NLRP12: variants seen among roughly 807,000 people sequenced by gnomAD.
NLRP12 encodes NACHT, LRR and PYD domains-containing protein 12.
Under a neutral mutation model 91.2 loss-of-function variants are expected in NLRP12, and 108 were observed. That is an observed-to-expected ratio of 1.18 (90% CI 1.01 to 1.39). The LOEUF is 1.39. NLRP12 is among the 40% of genes most tolerant of loss of function. NLRP12 has a pLI of 0.00. For missense variants in NLRP12, 1,530 were observed against 1,352.7 expected (o/e 1.13, Z -2.06); for synonymous variants, 613 against 566.7 (o/e 1.08, Z -1.16).
Position 53,798,384 on chromosome 19 carries a change from G to A in NLRP12, c.2786C>T (p.Ala929Val). The change falls in exon 8 of 10, where the codon GCC becomes GTC. Residue 929 changes from alanine to valine, a missense_variant. Coordinates refer to ENST00000324134, the MANE Select transcript of NLRP12 (RefSeq NM_144687.4). ...GAGCACCACAGAAAGACCCTCACAG[G>A]CGGCAGAGCCCAGCCGGCAGATGCC... ...RLGICRLGSA[A>V]CEGLSVVLQA... is the part of the protein sequence containing the mutation. 1 of 1,614,114 alleles carries A rather than the reference G, an allele frequency of 6.2e-7. No homozygotes were observed. Among genetic ancestry groups the A allele is most frequent in the Non-Finnish European group, 8.5e-7 (1 of 1,180,030 alleles).
rs544448716 is a variant in NLRP12, at chr19:53,807,488, C to T, written c.2243+7G>A. 3.7e-6 allele frequency: 6 copies of T among 1,613,216 alleles called. No homozygotes were observed. In the Admixed American group the frequency reaches 6.7e-5, roughly 18 times the overall value. The stretch of plus-strand genomic sequence containing the variant: ...CACCTGAAACGCCCAGACCAGCCTG[C>T]ACTCACCTCAGGTTCTGAAGTTTGC... On this transcript the variant is annotated splice_region_variant and intron_variant, in intron 4 of 9. Transcript: ENST00000324134.
At chr19:53,795,476 G>A (rs10419024) in intron 9 of NLRP12, among the ~76,000 whole-genome samples, 80,895 of 150,760 alleles carry the variant, frequency 0.54, 22,004 homozygotes, top group South Asian at 0.62. Context: ...CCGGGTTCAC[G>A]CCATTCTCCT....
At chr19:53,823,741 A>AG in intron 1 of NLRP12, 145 bp downstream of exon 1, 1 of 910,384 alleles carries the variant, frequency 1.1e-6, no homozygotes, top group Non-Finnish European at 1.8e-6. Flanking sequence ...GTAGAGACAG[A>AG]GCCTCACTAT....
Position 53,804,037 on chromosome 19 carries a change from G to T in NLRP12, c.2500C>A (p.Leu834Met), listed in dbSNP as rs1212091388. The T allele has an allele frequency of 6.2e-7, 1 of 1,613,946 alleles. No individual in the cohort carries two copies. The highest frequency in any genetic ancestry group is 1.7e-5 in the Admixed American group (1 of 59,948). The change falls in exon 6 of 10, where the codon CTG becomes ATG. Residue 834 changes from leucine to methionine, a missense_variant. By Grantham distance (15) the Leu-to-Met change is conservative (BLOSUM62 2). Coordinates refer to ENST00000324134, the MANE Select transcript of NLRP12 (RefSeq NM_144687.4). ...GTNPHLVELDLTGNALEDLGL... is the reference protein window; with the variant it reads ...GTNPHLVELDMTGNALEDLGL... ...AAATCCTCCAGTGCATTTCCTGTCA[G>T]GTCCAACTCAACCAGATGTGGGTTG...
chr19:53,796,119 T>C (rs933842175), intron 8 of NLRP12, 90 bp from the exon 9 acceptor site: 2 of 1,277,972 alleles, frequency 1.6e-6, no homozygotes, highest in Non-Finnish European at 1.1e-6. Context: ...CAGGCTGGAG[T>C]ACAGTGGTGA....
At position 53,809,904 on chromosome 19, in the gene NLRP12, C is replaced by CG. The variant is rs1568677364; in HGVS notation, c.1754dup (p.His586AlafsTer118). 6.2e-7 allele frequency: 1 copy of CG among 1,614,032 alleles called. No individual in the cohort carries two copies. The highest frequency in any genetic ancestry group is 2.2e-5 in the East Asian group (1 of 44,854). On this transcript the variant is annotated frameshift_variant, in exon 3 of 10. Coordinates refer to ENST00000324134, the MANE Select transcript of NLRP12 (RefSeq NM_144687.4). LOFTEE classifies it high-confidence loss of function. ...ACTGCAACAGGTCCATCTTGATGTG[C>CG]GGCGAGACCTTCCAGCAGAGACTCT...
At chr19:53,806,355 A>G (rs1001429747) in intron 4 of NLRP12, among the ~76,000 whole-genome samples, 1 of 151,990 alleles carries the variant, frequency 6.6e-6, no homozygotes, top group Non-Finnish European at 1.5e-5. Flanking sequence ...TATGGGCAGC[A>G]TGGTGAAACC....
At chr19:53,802,224 T>A (rs965437231) in intron 6 of NLRP12, among the ~76,000 whole-genome samples, 4 of 151,520 alleles carry the variant, frequency 2.6e-5, no homozygotes, top group Non-Finnish European at 5.9e-5. Context: ...TGGAACTCCA[T>A]CTCAAATAAA....
chr19:53,807,756 C>G (rs1600701123), intron 3 of NLRP12, 91 bp from the exon 4 acceptor site: 1 of 1,471,020 alleles, frequency 6.8e-7, no homozygotes, highest in South Asian at 1.1e-5. Flanking sequence ...ATGAAGCATG[C>G]TATCCTTTTT....
At chr19:53,797,139 T>TA (rs60124953) in intron 8 of NLRP12, among the ~76,000 whole-genome samples, 1,605 of 149,800 alleles carry the variant, frequency 0.011, 30 homozygotes, top group African/African-American at 0.037. Context: ...GAATTATTAT[T>TA]TTTTTTTCTC....
At chr19:53,805,775 C>T (rs978508734) in intron 4 of NLRP12, 8 of 372,918 alleles carry the variant, frequency 2.1e-5, no homozygotes, top group Non-Finnish European at 3.1e-5. Context: ...ATCTGGGCCT[C>T]CCAAAGTGCT....
chr19:53,819,675 G>A (rs1320848175), intron 1 of NLRP12, among the ~76,000 whole-genome samples: 3 of 51,826 alleles, frequency 5.8e-5, no homozygotes, highest in Middle Eastern at 7.1e-3. Flanking sequence ...ATACATATAT[G>A]TATGTATACA....
intron 1 of NLRP12, among the ~76,000 whole-genome samples, chr19:53,816,520 ATTTATTTATT>A (rs2092162110): frequency 6.6e-6 from 1 of 151,206 alleles, no homozygotes. Context: ...GCACCATTTT[ATTTATTTATT>A]TTTATTTATT....
In NLRP12 at chr19:53,793,823, G is replaced by C; in HGVS notation, c.*226C>G. On this transcript the variant is annotated 3_prime_UTR_variant, in exon 10 of 10. Coordinates refer to ENST00000324134, the MANE Select transcript of NLRP12 (RefSeq NM_144687.4). ...GCTAATCTCAAACTCCTGACCTCGTGATCCACCTGCCTCGGCCTCTCGAAG... is the reference window on the plus strand; with the variant it reads ...GCTAATCTCAAACTCCTGACCTCGTCATCCACCTGCCTCGGCCTCTCGAAG... 1.6e-6 allele frequency: 1 copy of C among 616,142 alleles called. No individual in the cohort carries two copies. Among genetic ancestry groups the C allele is most frequent in the Non-Finnish European group, 2.9e-6 (1 of 341,688 alleles). The allele number at this position is 616,142 out of a possible 1,614,324, so 38.2% of individuals were successfully genotyped here. A position where few individuals can be genotyped will look rare whatever the true frequency, so the allele number is the denominator to read the frequency against.
chr19:53,813,539 T>A (rs1159370248), intron 2 of NLRP12, among the ~76,000 whole-genome samples: 2 of 151,804 alleles, frequency 1.3e-5, no homozygotes, highest in Non-Finnish European at 2.9e-5. Context: ...CCTGACCTCA[T>A]GATCTGCCCG....
chr19:53,805,175 G>T, intron 5 of NLRP12, 105 bp downstream of exon 5: 1 of 1,244,808 alleles, frequency 8.0e-7, no homozygotes, highest in Non-Finnish European at 1.2e-6. Context: ...TTAAGGGCCA[G>T]CCCTGATTTA....
rs769787883 is a variant in NLRP12 at position 53,807,601 on chromosome 19, G to A, written c.2137C>T (p.Pro713Ser). Residue 713 changes from proline to serine, a missense_variant, in exon 4 of 10, where the codon CCA (proline) becomes TCA (serine). By Grantham distance (74) the Pro-to-Ser change is moderately conservative (BLOSUM62 -1). Transcript: ENST00000324134. ...TACAGAGACAGCTCTATCAGGTTTG[G>A]ATTGGTGCACAGGGCCGCTGCCAGA... ...EHLAAALCTN[P>S]NLIELSLYRN... 3 of 1,614,154 alleles carry A rather than the reference G, an allele frequency of 1.9e-6. No homozygotes were observed. In the South Asian group the frequency reaches 3.3e-5, roughly 18 times the overall value.
intron 3 of NLRP12, chr19:53,808,046 G>A (rs1487064178): frequency 1.7e-5 from 6 of 353,576 alleles, no homozygotes; most frequent in Admixed American, 7.6e-5. Context: ...CACCACATCC[G>A]GCCAAAGCAT....
At chr19:53,806,626 A>G (rs993995947) in intron 4 of NLRP12, among the ~76,000 whole-genome samples, 4 of 137,490 alleles carry the variant, frequency 2.9e-5, no homozygotes, top group African/African-American at 1.1e-4. Context: ...GGTTGCAGTG[A>G]GCCGAGATCA....
Sources: gnomAD v4.1 joint callset for allele counts (sites outside exome capture counted in the v4.1 genomes callset) on GRCh38, gnomAD v4.1.1 for gene constraint, MANE v1.5 for transcripts, NCBI Gene and HGNC (gene_info 2026-07-23, HGNC 2026-07-21) for gene names.